Variants in RUNX2 observed in about 807,000 individuals in gnomAD.
The protein encoded by RUNX2 is runt-related transcription factor 2.
A neutral mutation model predicts 51.7 loss-of-function variants in RUNX2; 10 were observed. The ratio of observed to expected loss-of-function variants is 0.19; its 90% confidence interval spans 0.12 to 0.33. RUNX2 has a LOEUF of 0.33. Ranked by LOEUF, RUNX2 falls within the 10% of genes least tolerant of loss-of-function variation. The pLI is 1.00. For missense variants in RUNX2, 562 were observed against 691.3 expected, an observed-to-expected ratio of 0.81 and a Z score of 2.10; for synonymous variants, 276 against 273.6, an observed-to-expected ratio of 1.01 and a Z score of -0.09.
intron 2 of RUNX2, among the ~76,000 whole-genome samples, chr6:45,342,443 T>C (rs969378124): frequency 6.6e-6 from 1 of 152,114 alleles, no homozygotes; most frequent in African/African-American, 2.4e-5. Context: ...GTATTTTTAG[T>C]AGAGATGGAG....
intron 6 of RUNX2, among the ~76,000 whole-genome samples, chr6:45,496,263 A>G (rs1182219432): frequency 1.3e-5 from 2 of 152,144 alleles, no homozygotes; most frequent in African/African-American, 4.8e-5. Context: ...GGATTGGGAC[A>G]TTCATCTCGC....
chr6:45,411,760 G>T (rs909571422), intron 2 of RUNX2, among the ~76,000 whole-genome samples: 1 of 151,754 alleles, frequency 6.6e-6, no homozygotes. Context: ...TGTAGTTATG[G>T]GCACACTATA....
intron 7 of RUNX2, among the ~76,000 whole-genome samples, chr6:45,542,783 C>A (rs897834442): frequency 3.9e-5 from 6 of 152,156 alleles, no homozygotes; most frequent in Non-Finnish European, 8.8e-5. Context: ...ATCATGTTAA[C>A]CAAATTCCTT....
At chr6:45,508,756 A>G (rs1484655413) in intron 6 of RUNX2, among the ~76,000 whole-genome samples, 1 of 152,222 alleles carries the variant, frequency 6.6e-6, no homozygotes, top group East Asian at 1.9e-4. Context: ...CTTTTCTAGT[A>G]TATATTCTGG....
rs193197125 is a variant in RUNX2, at chr6:45,341,438, C to A, written c.58+12654C>A. ...ACTTGATAGGTAATATTTTAATGAG[C>A]AAACTAACAACTTTTAAAAGCTACA... On this transcript the variant is annotated intron_variant, in intron 2 of 8. Coordinates refer to ENST00000647337, the MANE Select transcript of RUNX2 (RefSeq NM_001024630.4). Among the ~76,000 whole-genome samples the A allele has an allele frequency of 6.6e-4, 100 of 152,200 alleles. 1 individual carries two copies. Among genetic ancestry groups the A allele is most frequent in the African/African-American group, 2.4e-3 (99 of 41,538 alleles).
intron 2 of RUNX2, among the ~76,000 whole-genome samples, chr6:45,340,970 A>C (rs1204526465): frequency 2.0e-5 from 3 of 152,168 alleles, no homozygotes; most frequent in Admixed American, 6.5e-5. Flanking sequence ...TGATCCAGAC[A>C]ACCTTTATTT....
At chr6:45,526,992 T>C (rs553311053) in intron 7 of RUNX2, among the ~76,000 whole-genome samples, 1 of 152,242 alleles carries the variant, frequency 6.6e-6, no homozygotes, top group South Asian at 2.1e-4. Context: ...TTGAAAATAA[T>C]AAAATATTAT....
At chr6:45,399,341 T>C (rs936930619) in intron 2 of RUNX2, among the ~76,000 whole-genome samples, 3 of 142,460 alleles carry the variant, frequency 2.1e-5, no homozygotes, top group African/African-American at 7.6e-5. Flanking sequence ...ATTTCTTTCT[T>C]TTCTTTCCTT....
rs6932955 is a variant in RUNX2, at chr6:45,540,209, C to T, written c.1022-5008C>T. On this transcript the variant is annotated intron_variant, in intron 7 of 8. Transcript: ENST00000647337. ...TGCCCATAGCCTCCTTCCTTTTCAC[C>T]CCTTCATTACAGAATTGCTCAGATA... Among the ~76,000 whole-genome samples, 1,031 of 152,252 alleles carry T rather than the reference C, an allele frequency of 6.8e-3. 14 individuals carry two copies. The highest frequency in any genetic ancestry group is 0.023 in the African/African-American group (968 of 41,540).
intron 2 of RUNX2, among the ~76,000 whole-genome samples, chr6:45,364,681 A>C (rs143754381): frequency 1.2e-3 from 178 of 152,294 alleles, no homozygotes; most frequent in African/African-American, 4.0e-3. Flanking sequence ...AATTTCCCAA[A>C]GATTGAATAC....
rs533047925 is a variant in RUNX2 at position 45,550,483 on chromosome 6, A to G, written c.*3178A>G. 10 of 152,550 alleles carry G rather than the reference A, an allele frequency of 6.6e-5. No individual in the cohort carries two copies. The highest frequency in any genetic ancestry group is 2.4e-4 in the African/African-American group (10 of 41,576). 9.4% of individuals were successfully genotyped at this position (152,550 alleles called of 1,614,324 possible). On this transcript the variant is annotated 3_prime_UTR_variant, in exon 9 of 9. Coordinates refer to ENST00000647337, the MANE Select transcript of RUNX2 (RefSeq NM_001024630.4). The stretch of plus-strand genomic sequence containing the variant: ...CAATTCCGAGGAAAGGGACTGGCCC[A>G]GAATCCAGGTTAATACATGGAAACA...
At chr6:45,499,863 T>C (rs930706765) in intron 6 of RUNX2, among the ~76,000 whole-genome samples, 2 of 152,222 alleles carry the variant, frequency 1.3e-5, no homozygotes, top group African/African-American at 4.8e-5. Flanking sequence ...GTTCTCCTAT[T>C]CTTTTCCAAC....
At chr6:45,428,562 C>T (rs1003442595) in intron 3 of RUNX2, among the ~76,000 whole-genome samples, 1 of 152,072 alleles carries the variant, frequency 6.6e-6, no homozygotes, top group Non-Finnish European at 1.5e-5. Flanking sequence ...TTGCTCTCAG[C>T]CTCATAGAAG....
At chr6:45,461,660 T>C (rs1799479322) in intron 5 of RUNX2, among the ~76,000 whole-genome samples, 1 of 152,158 alleles carries the variant, frequency 6.6e-6, no homozygotes, top group African/African-American at 2.4e-5. Flanking sequence ...CTGGGCACTC[T>C]TCTAAGCTCT....
At chr6:45,331,160 T>C (rs140273320) in intron 2 of RUNX2, among the ~76,000 whole-genome samples, 3,038 of 152,012 alleles carry the variant, frequency 0.02, 109 homozygotes, top group African/African-American at 0.068. Context: ...AGAAAGAGTA[T>C]GTCTGTGTCC....
chr6:45,354,157 T>C (rs1383438012), intron 2 of RUNX2, among the ~76,000 whole-genome samples: 1 of 152,164 alleles, frequency 6.6e-6, no homozygotes. Context: ...GACTCAAAAA[T>C]TCCTCTATGA....
rs140878558 is a variant in RUNX2 at position 45,376,622 on chromosome 6, C to T, written c.59-45971C>T. On this transcript the variant is annotated intron_variant, in intron 2 of 8. Transcript: ENST00000647337. Reference sequence around the variant, plus strand: ...TTAGGCATACTTCGCTCCAACGTCCCGAATATCCTGAGATAAGAAACTTTC... The same window carrying T: ...TTAGGCATACTTCGCTCCAACGTCCTGAATATCCTGAGATAAGAAACTTTC... 5.4e-3 allele frequency among the ~76,000 whole-genome samples: 828 copies of T among 152,252 alleles called. 6 individuals carry two copies. Among genetic ancestry groups the T allele is most frequent in the Middle Eastern group, 0.01 (3 of 294 alleles).
intron 2 of RUNX2, among the ~76,000 whole-genome samples, chr6:45,400,386 T>C (rs1053504300): frequency 1.3e-5 from 2 of 152,206 alleles, no homozygotes; most frequent in Admixed American, 6.5e-5. Context: ...CCTGCCTTTT[T>C]CCCACCACAA....
chr6:45,351,011 G>A (rs1048644895), intron 2 of RUNX2, among the ~76,000 whole-genome samples: 25 of 152,036 alleles, frequency 1.6e-4, no homozygotes, highest in African/African-American at 6.0e-4. Context: ...TCTAAGTTCT[G>A]CGCTCCTTAT....
Sources: allele counts gnomAD v4.1 joint callset (sites outside exome capture counted in the v4.1 genomes callset), GRCh38; gene constraint gnomAD v4.1.1; transcripts MANE v1.5; gene names NCBI Gene and HGNC (gene_info 2026-07-23, HGNC 2026-07-21).